CCDC171: variants seen among roughly 807,000 people sequenced by gnomAD.
CCDC171 encodes coiled-coil domain-containing protein 171.
A neutral mutation model predicts 168.2 loss-of-function variants in CCDC171; 177 were observed. The ratio of observed to expected loss-of-function variants is 1.05; its 90% CI spans 0.93 to 1.19. The LOEUF is 1.19. CCDC171 is among the 50% of genes most tolerant of loss of function. CCDC171 has a pLI of 0.00. For missense variants in CCDC171, 1,991 were observed against 1,539.0 expected (o/e 1.29, Z -4.91); for synonymous variants, 687 against 540.8 (o/e 1.27, Z -3.75).
chr9:15,791,254 G>C lies in CCDC171; in HGVS notation c.3267+6560G>C, dbSNP rs550521421. Among the ~76,000 whole-genome samples, 211 of 152,128 alleles carry C rather than the reference G, an allele frequency of 1.4e-3. 1 individual carries two copies. The highest frequency in any genetic ancestry group is 5.0e-3 in the African/African-American group (206 of 41,486). On this transcript the variant is annotated intron_variant, in intron 21 of 25. Transcript: ENST00000380701. ...GCATGGAATGTTCTTCCATTTGTTT[G>C]TGTCCTCTTTTATTTCCTTGAGCAG...
intron 15 of CCDC171, among the ~76,000 whole-genome samples, chr9:15,728,679 A>G (rs1354173839): frequency 6.6e-6 from 1 of 152,132 alleles, no homozygotes; most frequent in Non-Finnish European, 1.5e-5. Context: ...TTGGTCATAG[A>G]AAATTACAGT....
chr9:15,662,251 T>G (rs1380364862), intron 8 of CCDC171, among the ~76,000 whole-genome samples: 1 of 152,348 alleles, frequency 6.6e-6, no homozygotes, highest in East Asian at 1.9e-4. Flanking sequence ...CACTCCAGCC[T>G]GGGTGACAGA....
downstream of CCDC171, among the ~76,000 whole-genome samples, chr9:15,976,302 A>G (rs1831618132): frequency 6.6e-6 from 1 of 152,166 alleles, no homozygotes; most frequent in African/African-American, 2.4e-5. Context: ...TTTCTTTTAA[A>G]TTATCCGTAA....
At chr9:15,959,909 G>T (rs1830180058) in intron 25 of CCDC171, among the ~76,000 whole-genome samples, 1 of 152,172 alleles carries the variant, frequency 6.6e-6, no homozygotes, top group Non-Finnish European at 1.5e-5. Context: ...ACAGTTTTCA[G>T]ATGACAGAAA....
intron 18 of CCDC171, among the ~76,000 whole-genome samples, chr9:15,775,544 T>C (rs2057278276): frequency 6.6e-6 from 1 of 152,182 alleles, no homozygotes; most frequent in Non-Finnish European, 1.5e-5. Context: ...GGTCTCGATC[T>C]CCTGACCTCG....
intron 7 of CCDC171, among the ~76,000 whole-genome samples, chr9:15,627,883 C>A (rs183744713): frequency 6.6e-6 from 1 of 151,942 alleles, no homozygotes; most frequent in Non-Finnish European, 1.5e-5. Flanking sequence ...TGTTAACTTT[C>A]GTCTAGTTGA....
the CCDC171 span, among the ~76,000 whole-genome samples, chr9:16,104,698 G>A: frequency 1.5e-4 from 22 of 148,350 alleles, no homozygotes; most frequent in Admixed American, 2.7e-4. Flanking sequence ...CCACCCACCC[G>A]TTCACCCAAG....
rs1213348560 is a variant in CCDC171, at chr9:15,571,752, A to G, written c.170A>G (p.Asn57Ser). The change falls in exon 3 of 26, where the codon AAT becomes AGT. Residue 57 changes from asparagine to serine, a missense_variant. Coordinates refer to ENST00000380701, the MANE Select transcript of CCDC171 (RefSeq NM_173550.4). ...AAGTTAGAAATAACAACCAAACACA[A>G]TGCAGAGGTACGATTTATTTTCCTC... ...KEKLEITTKH[N>S]AELASYESQI... 4 of 1,574,752 alleles carry G rather than the reference A, an allele frequency of 2.5e-6. No individual in the cohort carries two copies. The highest frequency in any genetic ancestry group is 2.3e-5 in the East Asian group (1 of 43,012).
At chr9:15,940,186 T>C (rs1370226741) in intron 25 of CCDC171, among the ~76,000 whole-genome samples, 1 of 151,952 alleles carries the variant, frequency 6.6e-6, no homozygotes, top group African/African-American at 2.4e-5. Flanking sequence ...GAAATATATG[T>C]AAATACATGT....
Position 15,946,392 on chromosome 9 carries a change from C to A in CCDC171, c.3754-25217C>A, listed in dbSNP as rs572054931. On this transcript the variant is annotated intron_variant, in intron 25 of 25. Transcript: ENST00000380701. ...ACACCAATAACAGACAAACAGAGAG[C>A]CGAATCATGAGTGAACTCCCATTCA... Among the ~76,000 whole-genome samples the A allele has an allele frequency of 5.9e-5, 9 of 152,022 alleles. No homozygotes were observed. The South Asian group carries it at 1.9e-3, about 32-fold the overall frequency.
At chr9:16,028,496 A>G (rs1348553794) in intron 6 of CCDC171, among the ~76,000 whole-genome samples, 2 of 152,216 alleles carry the variant, frequency 1.3e-5, no homozygotes, top group African/African-American at 2.4e-5. Flanking sequence ...AGACACCCAT[A>G]TATGGGCACA....
In CCDC171 at chr9:15,830,559, A is replaced by G. The variant is rs115777181; in HGVS notation, c.3268-16143A>G. ...ATAATAGGAAGTTCAGACATTGAGA[A>G]TTAGATATTCTCATTTAATGCAATC... On this transcript the variant is annotated intron_variant, in intron 21 of 25. Coordinates refer to ENST00000380701, the MANE Select transcript of CCDC171 (RefSeq NM_173550.4). 6.6e-3 allele frequency among the ~76,000 whole-genome samples: 1,006 copies of G among 152,316 alleles called. 18 individuals carry two copies. Among genetic ancestry groups the G allele is most frequent in the African/African-American group, 0.023 (949 of 41,562 alleles).
chr9:15,943,690 T>C (rs1827974156), intron 25 of CCDC171, among the ~76,000 whole-genome samples: 1 of 151,990 alleles, frequency 6.6e-6, no homozygotes, highest in Non-Finnish European at 1.5e-5. Flanking sequence ...TCTAAAATCT[T>C]TTAGAGCTCT....
intron 10 of CCDC171, among the ~76,000 whole-genome samples, chr9:15,692,435 T>C (rs2050872038): frequency 6.6e-6 from 1 of 152,134 alleles, no homozygotes; most frequent in African/African-American, 2.4e-5. Flanking sequence ...TTTAAAAATC[T>C]AACTTTTTGA....
chr9:16,023,043 T>C (rs1320482191), intron 6 of CCDC171: 1 of 152,092 alleles, frequency 6.6e-6, no homozygotes, highest in Non-Finnish European at 1.5e-5. Flanking sequence ...CTGGAAGACA[T>C]AGATGCCGGG....
chr9:15,791,182 T>C (rs1467714867), intron 21 of CCDC171, among the ~76,000 whole-genome samples: 2 of 152,230 alleles, frequency 1.3e-5, no homozygotes, highest in Admixed American at 1.3e-4. Context: ...ATAAATTACC[T>C]TGGGCGGTAT....
chr9:15,745,309 G>GT (rs1361098044), intron 17 of CCDC171, among the ~76,000 whole-genome samples: 8 of 151,988 alleles, frequency 5.3e-5, no homozygotes, highest in East Asian at 1.9e-4. Context: ...AAGAAAATTT[G>GT]TTTTTTTCTG....
intron 3 of CCDC171, among the ~76,000 whole-genome samples, chr9:16,002,296 C>G (rs1433898134): frequency 1.3e-5 from 2 of 151,676 alleles, no homozygotes; most frequent in African/African-American, 2.4e-5. Context: ...TGTTATTGCT[C>G]CTGGAGACCC....
chr9:15,619,381 T>G (rs549566064), intron 6 of CCDC171, among the ~76,000 whole-genome samples: 1 of 152,308 alleles, frequency 6.6e-6, no homozygotes, highest in South Asian at 2.1e-4. Context: ...AGTGAACACA[T>G]AAGTGATAAG....
Sources: allele counts gnomAD v4.1 joint callset (sites outside exome capture counted in the v4.1 genomes callset), GRCh38; gene constraint gnomAD v4.1.1; transcripts MANE v1.5; gene names NCBI Gene and HGNC (gene_info 2026-07-23, HGNC 2026-07-21).